ZFP64: variants seen among roughly 807,000 people sequenced by gnomAD.
ZFP64 encodes the protein zinc finger protein 64.
Under a neutral mutation model 51.6 loss-of-function variants are expected in ZFP64, and 14 were observed. The ratio of observed to expected loss-of-function variants is 0.27; its 90% CI spans 0.18 to 0.42. ZFP64 has a LOEUF of 0.42. ZFP64 is among the 10% of genes least tolerant of loss of function. ZFP64 has a pLI of 1.00. For missense variants in ZFP64, 754 were observed against 906.8 expected (o/e 0.83, Z 2.16); for synonymous variants, 375 against 361.4 (o/e 1.04, Z -0.43).
chr20:52,119,927 T>A (rs1375114560), intron 5 of ZFP64, among the ~76,000 whole-genome samples: 1 of 152,028 alleles, frequency 6.6e-6, no homozygotes, highest in Non-Finnish European at 1.5e-5. Context: ...TTAAATAATT[T>A]CCTATTTTTC....
rs1404141010 is a variant in ZFP64, at chr20:52,085,775, A to G, written c.1229-509T>C. Reference sequence around the variant, plus strand: ...TAAAGTTTCTTACTTTTATAACTACAGGCTAAATTTTATTTATAATATTAA... The same window carrying G: ...TAAAGTTTCTTACTTTTATAACTACGGGCTAAATTTTATTTATAATATTAA... On this transcript the variant is annotated intron_variant, in intron 8 of 8. Coordinates refer to the ZFP64 transcript ENST00000361387. The surrounding 1 kb of genome is among the most constrained non-coding windows in gnomAD (Gnocchi z 4.3). 6.6e-6 allele frequency among the ~76,000 whole-genome samples: 1 copy of G among 152,218 alleles called. No homozygotes were observed. The highest frequency in any genetic ancestry group is 1.5e-5 in the Non-Finnish European group (1 of 68,034).
intron 5 of ZFP64, among the ~76,000 whole-genome samples, chr20:52,115,657 C>T (rs555303612): frequency 2.2e-4 from 34 of 152,100 alleles, no homozygotes; most frequent in African/African-American, 6.3e-4. Flanking sequence ...TCAAGTGATG[C>T]GCTGACCTTG....
chr20:52,105,338 T>A (rs1039514900), intron 5 of ZFP64: 1 of 1,249,536 alleles, frequency 8.0e-7, no homozygotes. Context: ...GGAACGCGCA[T>A]GTCCCGGCAA....
intron 8 of ZFP64, among the ~76,000 whole-genome samples, chr20:52,087,167 C>T (rs1269506790): frequency 6.6e-6 from 1 of 152,240 alleles, no homozygotes; most frequent in Admixed American, 6.5e-5. Flanking sequence ...CCCCTGTCCA[C>T]TCCCTTCCAT....
At chr20:52,188,318 T>TC (rs1984122643) in intron 1 of ZFP64, among the ~76,000 whole-genome samples, 1 of 138,646 alleles carries the variant, frequency 7.2e-6, no homozygotes, top group African/African-American at 2.7e-5. Flanking sequence ...CTTTTTTTTT[T>TC]TTTTTTTTTT....
At chr20:52,133,531 C>T (rs976159722) in intron 5 of ZFP64, among the ~76,000 whole-genome samples, 2 of 152,130 alleles carry the variant, frequency 1.3e-5, no homozygotes, top group Non-Finnish European at 2.9e-5. Context: ...ACAAAATCAA[C>T]ATACAAAAAT....
chr20:52,150,490 A>C (rs1980739859), downstream of ZFP64, among the ~76,000 whole-genome samples: 1 of 152,214 alleles, frequency 6.6e-6, no homozygotes, highest in Non-Finnish European at 1.5e-5. Context: ...AATAAGTTTA[A>C]AGTGACAAAA....
chr20:52,190,888 C>G (rs1411729411), intron 1 of ZFP64, among the ~76,000 whole-genome samples: 1 of 152,116 alleles, frequency 6.6e-6, no homozygotes, highest in East Asian at 1.9e-4. Flanking sequence ...AGCCCCACCC[C>G]CGAGATTGAA....
Position 52,191,323 on chromosome 20 carries a change from T to C in ZFP64, c.46+268A>G, listed in dbSNP as rs145550292. ...GGGGGTGGCGATTGTCTGAACGGCG[T>C]GCCCTCCCCCACTGTTCCCTTCCAA... On this transcript the variant is annotated intron_variant, in intron 1 of 5. Transcript: ENST00000216923. The surrounding 1 kb of genome is among the most constrained non-coding windows in gnomAD (Gnocchi z 4.3). Among the ~76,000 whole-genome samples the C allele has an allele frequency of 9.1e-4, 138 of 152,244 alleles. 3 individuals are homozygous for C. In the East Asian group the frequency reaches 0.023, roughly 25 times the overall value.
rs955835031 is a variant in ZFP64 at position 52,129,406 on chromosome 20, G to A, written c.763+30717C>T. The stretch of plus-strand genomic sequence containing the variant: ...ACTCCTGAGCTCAGGCAGTCTGCCT[G>A]CCTGGGCCTCCCAAAATGCTAGGAT... On this transcript the variant is annotated intron_variant, in intron 5 of 8. Transcript: ENST00000361387. Among the ~76,000 whole-genome samples, 3 of 151,936 alleles carry A rather than the reference G, an allele frequency of 2.0e-5. 1 individual carries two copies. Among genetic ancestry groups the A allele is most frequent in the Non-Finnish European group, 1.5e-5 (1 of 67,950 alleles).
chr20:52,132,270 A>C (rs1240940003), intron 5 of ZFP64, among the ~76,000 whole-genome samples: 1 of 152,138 alleles, frequency 6.6e-6, no homozygotes, highest in Non-Finnish European at 1.5e-5. Flanking sequence ...AAAAAGGAGA[A>C]AAAACTTCAA....
chr20:52,128,119 G>A (rs1340066887), intron 5 of ZFP64, among the ~76,000 whole-genome samples: 1 of 152,122 alleles, frequency 6.6e-6, no homozygotes, highest in East Asian at 1.9e-4. Context: ...AAGAGGTTGT[G>A]TCAAATTCTA....
chr20:52,094,659 A>C (rs11698165), intron 7 of ZFP64, among the ~76,000 whole-genome samples: 26,969 of 152,208 alleles, frequency 0.18, 3,057 homozygotes, highest in South Asian at 0.42. Context: ...TTCAAGAAGC[A>C]GAGGCATGAG....
chr20:52,092,202 A>G (rs548176454), intron 7 of ZFP64, among the ~76,000 whole-genome samples: 1 of 152,346 alleles, frequency 6.6e-6, no homozygotes, highest in Non-Finnish European at 1.5e-5. Context: ...GAGGATACCA[A>G]CAGATCAGGG....
intron 5 of ZFP64, among the ~76,000 whole-genome samples, chr20:52,157,597 T>A (rs553111021): frequency 1.4e-4 from 21 of 152,236 alleles, no homozygotes; most frequent in Non-Finnish European, 2.6e-4. Flanking sequence ...AGGGGGAACC[T>A]GTGCCCAGAA....
intron 7 of ZFP64, among the ~76,000 whole-genome samples, chr20:52,095,985 G>A (rs374796169): frequency 9.9e-5 from 15 of 152,136 alleles, no homozygotes; most frequent in South Asian, 4.1e-4. Flanking sequence ...CACTGACATC[G>A]TCATCCTGGT....
At chr20:52,169,128 C>G (rs140085563) in intron 2 of ZFP64, among the ~76,000 whole-genome samples, 1 of 152,332 alleles carries the variant, frequency 6.6e-6, no homozygotes, top group East Asian at 1.9e-4. Context: ...TGGGGACAAT[C>G]ACCATGCCCA....
At chr20:52,150,724 C>G (rs915840371), downstream of ZFP64, among the ~76,000 whole-genome samples, 2 of 152,124 alleles carry the variant, frequency 1.3e-5, no homozygotes, top group Admixed American at 6.5e-5. Flanking sequence ...TGCTTCTGTC[C>G]CAAGAGTAAC....
intron 5 of ZFP64, among the ~76,000 whole-genome samples, chr20:52,136,114 A>AG (rs1394020860): frequency 2.7e-5 from 4 of 150,426 alleles, no homozygotes; most frequent in Non-Finnish European, 4.4e-5. Flanking sequence ...AAAAAAAAAA[A>AG]AAAAAAGAAA....
Sources: gnomAD v4.1 joint callset for allele counts (sites outside exome capture counted in the v4.1 genomes callset) on GRCh38, gnomAD v4.1.1 for gene constraint, Gnocchi (gnomAD v3.1) non-coding constraint, MANE v1.5 for transcripts, NCBI Gene and HGNC (gene_info 2026-07-23, HGNC 2026-07-21) for gene names.